C1D: variants seen among roughly 807,000 people sequenced by gnomAD.
The protein encoded by C1D is C1D nuclear receptor corepressor.
A neutral mutation model predicts 17.5 loss-of-function variants in C1D; 10 were observed. That is an observed-to-expected ratio of 0.57 (90% CI 0.35 to 0.97). C1D has a LOEUF of 0.97. C1D is among the 50% of genes least tolerant of loss of function. C1D has a pLI of 0.01. For missense variants in C1D, 136 were observed against 160.1 expected (o/e 0.85, Z 0.81); for synonymous variants, 49 against 54.0 (o/e 0.91, Z 0.40).
intron 4 of C1D, among the ~76,000 whole-genome samples, chr2:68,045,148 A>G (rs1671084469): frequency 6.6e-6 from 1 of 152,214 alleles, no homozygotes; most frequent in East Asian, 1.9e-4. Flanking sequence ...TGGCTTACTC[A>G]TTTTTAAAAA....
At chr2:68,053,957 A>G (rs1163544407) in intron 1 of C1D, among the ~76,000 whole-genome samples, 1 of 152,222 alleles carries the variant, frequency 6.6e-6, no homozygotes, top group Non-Finnish European at 1.5e-5. Context: ...CTGGACAAAT[A>G]CAACAACTAT....
chr2:68,058,082 T>C (rs1335154735), intron 1 of C1D, among the ~76,000 whole-genome samples: 1 of 152,250 alleles, frequency 6.6e-6, no homozygotes, highest in Non-Finnish European at 1.5e-5. Flanking sequence ...CTCTGTCAGT[T>C]GCCTGACAGT....
At chr2:68,046,300 A>G (rs1671119695) in intron 3 of C1D, 44 bp downstream of exon 3, 3 of 1,347,646 alleles carry the variant, frequency 2.2e-6, no homozygotes, top group Non-Finnish European at 3.2e-6. Context: ...CTTTCACACA[A>G]TAAGTAATTT....
At position 68,041,608 on chromosome 2, in the gene C1D, C is replaced by T. The variant is rs1670960761; in HGVS notation, c.*1281G>A. 3 of 152,022 alleles carry T rather than the reference C, an allele frequency of 2.0e-5. No homozygotes were observed. The highest frequency in any genetic ancestry group is 4.8e-5 in the African/African-American group (2 of 41,444). The allele number at this position is 152,022 out of a possible 1,614,324, so 9.4% of individuals were successfully genotyped here. ...ACCTTCTGCGTCTATCAGTGACTTC[C>T]TCTTCATGTGTCATAGAAAGAGTTC... is the stretch of plus-strand genomic sequence containing the variant. On this transcript the variant is annotated 3_prime_UTR_variant, in exon 5 of 5. Coordinates refer to ENST00000410067, the MANE Select transcript of C1D (RefSeq NM_173177.3).
intron 1 of C1D, among the ~76,000 whole-genome samples, chr2:68,054,979 T>A (rs7579581): frequency 0.11 from 15,258 of 137,430 alleles, 2,077 homozygotes; most frequent in African/African-American, 0.33. Context: ...CTTTTTTTTT[T>A]AAAAAAAAAA....
intron 1 of C1D, among the ~76,000 whole-genome samples, chr2:68,057,666 ATACT>A (rs1671478844): frequency 1.3e-5 from 2 of 152,156 alleles, no homozygotes; most frequent in South Asian, 4.1e-4. Context: ...TATTATAATA[ATACT>A]TAAGTTTATA....
chr2:68,056,597 C>A (rs1215123881), intron 1 of C1D, among the ~76,000 whole-genome samples: 1 of 151,880 alleles, frequency 6.6e-6, no homozygotes, highest in Non-Finnish European at 1.5e-5. Context: ...GTACACACAA[C>A]CCAAAAGAAA....
In C1D at chr2:68,053,532, T is replaced by C. The variant is rs558138072; in HGVS notation, c.-9-6213A>G. ...TTATTTCAACAGCCTTTGAGTAGTG[T>C]CCCTATTATCAATTTTTCTCCACTC... is the stretch of plus-strand genomic sequence containing the variant. On this transcript the variant is annotated intron_variant, in intron 1 of 4. Transcript: ENST00000410067. Among the ~76,000 whole-genome samples, 3 of 152,294 alleles carry C rather than the reference T, an allele frequency of 2.0e-5. No homozygotes were observed. In the South Asian group the frequency reaches 6.2e-4, roughly 32 times the overall value.
rs1451812479 is a variant in C1D, at chr2:68,062,968, T to TCGA, written c.-23_-21dup. ...ACCTTAGAAAAATACCTCACGGCCTTCGACTCCAGTCTCCCGGAAAGCGGT... is the reference window on the plus strand; with the variant it reads ...ACCTTAGAAAAATACCTCACGGCCTTCGACGACTCCAGTCTCCCGGAAAGCGGT... On this transcript the variant is annotated 5_prime_UTR_variant, in exon 1 of 5. Coordinates refer to ENST00000410067, the MANE Select transcript of C1D (RefSeq NM_173177.3). 5.3e-5 allele frequency: 8 copies of TCGA among 152,312 alleles called. No homozygotes were observed. Among genetic ancestry groups the TCGA allele is most frequent in the African/African-American group, 1.9e-4 (8 of 41,540 alleles). 9.4% of individuals were successfully genotyped at this position (152,312 alleles called of 1,614,324 possible).
chr2:68,056,510 A>C (rs1446193247), intron 1 of C1D, among the ~76,000 whole-genome samples: 1 of 152,326 alleles, frequency 6.6e-6, no homozygotes, highest in Non-Finnish European at 1.5e-5. Context: ...ATGTCAAATA[A>C]AAAACTAAAA....
chr2:68,053,644 A>G (rs1458895739), intron 1 of C1D, among the ~76,000 whole-genome samples: 1 of 152,176 alleles, frequency 6.6e-6, no homozygotes, highest in East Asian at 1.9e-4. Flanking sequence ...TCCCTCCCAC[A>G]TGGAAGACAG....
At chr2:68,050,649 G>A (rs1409536853) in intron 1 of C1D, among the ~76,000 whole-genome samples, 1 of 152,120 alleles carries the variant, frequency 6.6e-6, no homozygotes, top group Non-Finnish European at 1.5e-5. Flanking sequence ...CCTTAACCAA[G>A]TTTGAAGTGC....
At chr2:68,047,114 C>A in intron 2 of C1D, 59 bp downstream of exon 2, 1 of 1,470,434 alleles carries the variant, frequency 6.8e-7, no homozygotes, top group Non-Finnish European at 9.3e-7. Context: ...CCACATGTTT[C>A]ATAAAATAGC....
At chr2:68,053,055 A>G (rs1266403743) in intron 1 of C1D, 12 of 1,549,166 alleles carry the variant, frequency 7.7e-6, no homozygotes, top group Non-Finnish European at 1.0e-5. Context: ...GAAGAAAAGA[A>G]CTCACCCAGC....
chr2:68,045,743 A>G (rs1671100452), intron 4 of C1D, among the ~76,000 whole-genome samples: 1 of 152,114 alleles, frequency 6.6e-6, no homozygotes, highest in Admixed American at 6.5e-5. Flanking sequence ...AAGAAAAATA[A>G]TATGTAAGTT....
At position 68,045,988 on chromosome 2, in the gene C1D, C is replaced by G; in HGVS notation, c.261G>C (p.Leu87Phe). The change falls in exon 4 of 5, where the codon TTG becomes TTC. Residue 87 changes from leucine to phenylalanine, a missense_variant and splice_region_variant. By Grantham distance (22) the Leu-to-Phe change is conservative. Transcript: ENST00000410067. Reference sequence around the variant, plus strand: ...AAATAAAAAGAAATTAAAATCTTACCAATTCCTGTTTTACTGGATGTTCCT... The same window carrying G: ...AAATAAAAAGAAATTAAAATCTTACGAATTCCTGTTTTACTGGATGTTCCT... ...NPKEHPVKQE[L>F]ERIRVYMNRV... 6.3e-7 allele frequency: 1 copy of G among 1,578,014 alleles called. No homozygotes were observed.
chr2:68,059,339 T>C (rs1671550324), intron 1 of C1D, among the ~76,000 whole-genome samples: 1 of 152,186 alleles, frequency 6.6e-6, no homozygotes, highest in Non-Finnish European at 1.5e-5. Flanking sequence ...AACAAGAGAT[T>C]TGGAGGAGAC....
intron 4 of C1D, among the ~76,000 whole-genome samples, chr2:68,044,535 C>T (rs961358427): frequency 1.3e-5 from 2 of 151,858 alleles, no homozygotes; most frequent in African/African-American, 2.4e-5. Context: ...GGTGAAACCC[C>T]GTCTCTACTG....
intron 4 of C1D, among the ~76,000 whole-genome samples, 163 bp downstream of exon 4, chr2:68,045,824 TG>T (rs1408866013): frequency 1.3e-5 from 2 of 151,954 alleles, no homozygotes; most frequent in Non-Finnish European, 2.9e-5. Context: ...ACCAATTATC[TG>T]AAAAAGGTAA....
Sources: allele counts gnomAD v4.1 joint callset (sites outside exome capture counted in the v4.1 genomes callset), GRCh38; gene constraint gnomAD v4.1.1; transcripts MANE v1.5; gene names NCBI Gene and HGNC (gene_info 2026-07-23, HGNC 2026-07-21).